The following EBNA1BP2 variants were observed in gnomAD, a reference collection of about 807,000 sequenced individuals.
The protein encoded by EBNA1BP2 is probable rRNA-processing protein EBP2.
In EBNA1BP2, 36 loss-of-function variants were observed where a neutral mutation model predicts 43.5. The ratio of observed to expected loss-of-function variants is 0.83; its 90% CI spans 0.63 to 1.09. The LOEUF is 1.09. Among genes scored for constraint, EBNA1BP2 ranks in the 50% least tolerant of loss-of-function variants. EBNA1BP2 has a pLI of 0.00. For synonymous variants in EBNA1BP2, 127 were observed against 141.3 expected (o/e 0.90, Z 0.72); for missense variants, 332 against 379.1 (o/e 0.88, Z 1.03).
chr1:43,165,171 TAATATGTTA>T (rs1644910137), intron 7 of EBNA1BP2, among the ~76,000 whole-genome samples: 1 of 152,224 alleles, frequency 6.6e-6, no homozygotes, highest in Non-Finnish European at 1.5e-5. Flanking sequence ...CATCCAAATG[TAATATGTTA>T]CATTTGTAAC....
At chr1:43,169,253 G>C (rs1194254828) in intron 4 of EBNA1BP2, among the ~76,000 whole-genome samples, 1 of 152,168 alleles carries the variant, frequency 6.6e-6, no homozygotes, top group Admixed American at 6.5e-5. Context: ...CCAGTGTGCT[G>C]TCTGTTTCAT....
upstream of EBNA1BP2, chr1:43,172,462 G>T (rs1386907996): frequency 1.3e-6 from 2 of 1,543,744 alleles, no homozygotes; most frequent in Non-Finnish European, 1.8e-6. Context: ...AGGTGGGAGG[G>T]GGTACCTGGG....
In EBNA1BP2 at chr1:43,172,252, C is replaced by T. The variant is rs1462034066; in HGVS notation, c.-134G>A. ...TCCCACGCCGTGGCTCCACGTGCCACCGAATCGCTCCAGCGCCAGCAACTC... is the reference window on the plus strand; with the variant it reads ...TCCCACGCCGTGGCTCCACGTGCCATCGAATCGCTCCAGCGCCAGCAACTC... On this transcript the variant is annotated 5_prime_UTR_variant, in exon 1 of 9. The change creates a new upstream start codon in the 5' untranslated region. Coordinates refer to ENST00000236051, the MANE Select transcript of EBNA1BP2 (RefSeq NM_006824.3). 6.4e-7 allele frequency: 1 copy of T among 1,557,532 alleles called. No homozygotes were observed.
At chr1:43,169,247 T>C (rs550327142) in intron 4 of EBNA1BP2, among the ~76,000 whole-genome samples, 2 of 152,278 alleles carry the variant, frequency 1.3e-5, no homozygotes, top group Admixed American at 1.3e-4. Flanking sequence ...CCGCTCCCAG[T>C]GTGCTGTCTG....
At chr1:43,167,006 A>G (rs187358621) in intron 6 of EBNA1BP2, 87 bp from the exon 7 acceptor site, 3 of 1,523,218 alleles carry the variant, frequency 2.0e-6, no homozygotes, top group Admixed American at 3.6e-5. Context: ...TATTTGCTAC[A>G]CTGATTTTAA....
intron 5 of EBNA1BP2, among the ~76,000 whole-genome samples, chr1:43,168,451 C>T (rs1485867401): frequency 3.3e-5 from 5 of 152,182 alleles, no homozygotes; most frequent in African/African-American, 4.8e-5. Flanking sequence ...AGTTCAAACA[C>T]GCAGGCAATC....
Position 43,172,151 on chromosome 1 carries a change from G to A in EBNA1BP2, c.-33C>T. The A allele has an allele frequency of 1.2e-6, 2 of 1,613,996 alleles. No homozygotes were observed. Among genetic ancestry groups the A allele is most frequent in the African/African-American group, 1.3e-5 (1 of 75,050 alleles). Reference sequence around the variant, plus strand: ...CACGCACGTCCCACACCTACAGGAAGAAACGGGGTATCCCGAGACCCAAGC... The same window carrying A: ...CACGCACGTCCCACACCTACAGGAAAAAACGGGGTATCCCGAGACCCAAGC... On this transcript the variant is annotated 5_prime_UTR_variant, in exon 1 of 9. Coordinates refer to ENST00000236051, the MANE Select transcript of EBNA1BP2 (RefSeq NM_006824.3).
intron 7 of EBNA1BP2, among the ~76,000 whole-genome samples, chr1:43,165,499 T>A (rs548971869): frequency 6.6e-6 from 1 of 152,346 alleles, no homozygotes; most frequent in African/African-American, 2.4e-5. Flanking sequence ...ATTTCACCTC[T>A]TAAATGTTTC....
chr1:43,170,734 G>C, intron 4 of EBNA1BP2, 22 bp downstream of exon 4: 1 of 1,599,476 alleles, frequency 6.3e-7, no homozygotes, highest in Non-Finnish European at 8.5e-7. Flanking sequence ...TGACTTTCCA[G>C]AGGAAAACTT....
Position 43,171,481 on chromosome 1 carries a change from A to G in EBNA1BP2, c.321T>C (p.Ser107=). The change falls in exon 3 of 9, where the codon AGT becomes AGC. Residue 107 remains serine, a splice_region_variant and synonymous_variant. Transcript: ENST00000236051. ...DPEDDFQREM[S]FYRQAQAAVL... is the part of the protein sequence containing the mutation. ...CCAACATTTGAAAACAAACATACAAACTCATCTCTCGCTGGAAGTCGTCTT... is the reference window on the plus strand; with the variant it reads ...CCAACATTTGAAAACAAACATACAAGCTCATCTCTCGCTGGAAGTCGTCTT... 2 of 1,606,646 alleles carry G rather than the reference A, an allele frequency of 1.2e-6. No individual in the cohort carries two copies. Among genetic ancestry groups the G allele is most frequent in the Non-Finnish European group, 8.5e-7 (1 of 1,177,106 alleles).
intron 4 of EBNA1BP2, 89 bp downstream of exon 4, chr1:43,170,667 T>C (rs1644953072): frequency 6.6e-7 from 1 of 1,525,562 alleles, no homozygotes; most frequent in African/African-American, 1.4e-5. Flanking sequence ...TGGCTCCCCG[T>C]TATTGGGCTC....
chr1:43,164,799 A>G lies in EBNA1BP2; in HGVS notation c.714T>C (p.Ser238=), dbSNP rs1299307014. The G allele has an allele frequency of 1.2e-6, 2 of 1,614,192 alleles. No individual in the cohort carries two copies. Among genetic ancestry groups the G allele is most frequent in the Non-Finnish European group, 1.7e-6 (2 of 1,180,022 alleles). ...AKGQQMRKGP[S]AKRRYKNQKF... is the part of the protein sequence containing the mutation. ...TCTGGTTTTTATACCGTCGTTTAGC[A>G]CTGGGCCTGGAAAAGAATGGTCCTA... is the stretch of plus-strand genomic sequence containing the variant. Residue 238 remains serine, a synonymous_variant, in exon 8 of 9, where the codon AGT becomes AGC. Coordinates refer to ENST00000236051, the MANE Select transcript of EBNA1BP2 (RefSeq NM_006824.3).
chr1:43,172,389 T>C, upstream of EBNA1BP2: 1 of 1,551,356 alleles, frequency 6.4e-7, no homozygotes, highest in Non-Finnish European at 8.7e-7. Flanking sequence ...CCGGGTTGCT[T>C]AGGATCCCTA....
At chr1:43,167,653 C>T (rs1447585756) in intron 5 of EBNA1BP2, among the ~76,000 whole-genome samples, 3 of 152,124 alleles carry the variant, frequency 2.0e-5, no homozygotes, top group Non-Finnish European at 4.4e-5. Flanking sequence ...GATTAATTAT[C>T]TAACTCACTG....
At position 43,166,250 on chromosome 1, in the gene EBNA1BP2, A is replaced by G. The variant is rs531670521; in HGVS notation, c.707+576T>C. Among the ~76,000 whole-genome samples, 3 of 152,346 alleles carry G rather than the reference A, an allele frequency of 2.0e-5. No homozygotes were observed. The East Asian group carries it at 5.8e-4, about 29-fold the overall frequency. ...GAACCCTAGGTCTGAACTCTCAACC[A>G]TCGCACTGTGTGATGGGGAATCAAC... is the stretch of plus-strand genomic sequence containing the variant. On this transcript the variant is annotated intron_variant, in intron 7 of 8. Coordinates refer to ENST00000236051, the MANE Select transcript of EBNA1BP2 (RefSeq NM_006824.3).
In EBNA1BP2 at chr1:43,166,865, C is replaced by T. The variant is rs7163; in HGVS notation, c.668G>A (p.Arg223His). 381,755 of 1,612,000 alleles carry T rather than the reference C, an allele frequency of 0.24. 48,185 individuals are homozygous for T. Among genetic ancestry groups the T allele is most frequent in the Middle Eastern group, 0.27 (1,662 of 6,054 alleles). The change falls in exon 7 of 9, where the codon CGC becomes CAC. Residue 223 changes from arginine to histidine, a missense_variant. By Grantham distance (29) the Arg-to-His change is conservative. This residue lies in a region of EBNA1BP2 where 91 missense variants were observed against 152.1 expected (regional missense o/e 0.60). Transcript: ENST00000236051. ...CTGGCCTTTGGCTCCTGCCTTCTTG[C>T]GCTGTGCCAGAGGTTTCTGATCTCC... ...LEGDQKPLAQRKKAGAKGQQM... is the reference protein window; with the variant it reads ...LEGDQKPLAQHKKAGAKGQQM...
intron 5 of EBNA1BP2, among the ~76,000 whole-genome samples, chr1:43,167,627 G>A (rs867772146): frequency 3.3e-5 from 5 of 152,010 alleles, no homozygotes; most frequent in African/African-American, 7.3e-5. Flanking sequence ...TCGATTTTTC[G>A]CATCACATTT....
rs1479174078 is a variant in EBNA1BP2 at position 43,164,688 on chromosome 1, T to A, written c.825A>T (p.Thr275=). The A allele has an allele frequency of 1.9e-6, 3 of 1,614,260 alleles. No homozygotes were observed. The African/African-American group carries it at 4.0e-5, about 22-fold the overall frequency. The change falls in exon 8 of 9, where the codon ACA becomes ACT. Residue 275 remains threonine, a synonymous_variant. Transcript: ENST00000236051. The part of the protein sequence containing the change: ...YDDVSSFRAK[T]AHGRGLKRPG... ...GCCTCTTGAGGCCTCTGCCATGAGC[T>A]GTCTTGGCCCGGAAGCTAGATACAT...
intron 4 of EBNA1BP2, among the ~76,000 whole-genome samples, chr1:43,169,381 C>T (rs1371179869): frequency 6.6e-6 from 1 of 152,154 alleles, no homozygotes; most frequent in Non-Finnish European, 1.5e-5. Flanking sequence ...TAGTATACCA[C>T]ATACACAATA....
Sources: allele counts gnomAD v4.1 joint callset (sites outside exome capture counted in the v4.1 genomes callset), GRCh38; gene constraint gnomAD v4.1.1; regional missense constraint gnomAD v4.1.1; transcripts MANE v1.5; gene names NCBI Gene and HGNC (gene_info 2026-07-23, HGNC 2026-07-21).